Variants in TNFAIP8L1 observed in about 807,000 individuals in gnomAD.
TNFAIP8L1 encodes tumor necrosis factor alpha-induced protein 8-like protein 1.
For missense variants in TNFAIP8L1, 225 were observed against 266.1 expected (o/e 0.85, Z 1.08); for synonymous variants, 127 against 125.6 (o/e 1.01, Z -0.08).
At chr19:4,650,491 C>T (rs985824525) in intron 1 of TNFAIP8L1, among the ~76,000 whole-genome samples, 2 of 151,836 alleles carry the variant, frequency 1.3e-5, no homozygotes, top group Non-Finnish European at 2.9e-5. Flanking sequence ...GGAAGAATTC[C>T]GGAGCTGCAG....
Position 4,654,067 on chromosome 19 carries a change from G to C in TNFAIP8L1, c.*1637G>C, listed in dbSNP as rs1401495970. 3.3e-5 allele frequency: 5 copies of C among 152,186 alleles called. No homozygotes were observed. The highest frequency in any genetic ancestry group is 7.3e-5 in the Non-Finnish European group (5 of 68,092). The allele number at this position is 152,186 out of a possible 1,614,324, so 9.4% of individuals were successfully genotyped here. ...TCAGCCTTGGAGGGACCTAGCCCTG[G>C]CCACACCTTCATCTCAGACTTGCGG... On this transcript the variant is annotated 3_prime_UTR_variant, in exon 2 of 2. Coordinates refer to ENST00000327473, the MANE Select transcript of TNFAIP8L1 (RefSeq NM_152362.3).
rs1220857848 is a variant in TNFAIP8L1 at position 4,645,002 on chromosome 19, C to G, written c.-4+5373C>G. Among the ~76,000 whole-genome samples, 2 of 152,184 alleles carry G rather than the reference C, an allele frequency of 1.3e-5. No homozygotes were observed. The highest frequency in any genetic ancestry group is 1.9e-4 in the East Asian group (1 of 5,190). On this transcript the variant is annotated intron_variant, in intron 1 of 1. Transcript: ENST00000327473. This position sits in a 1 kb window ranked among gnomAD's most constrained non-coding sequence, Gnocchi z 4.1. ...CTCGGCGGGAAGAGGCCTGAGGCCCCCCCTGGGCCCCCGGACTGAGTGCAG... is the reference window on the plus strand; with the variant it reads ...CTCGGCGGGAAGAGGCCTGAGGCCCGCCCTGGGCCCCCGGACTGAGTGCAG...
intron 1 of TNFAIP8L1, among the ~76,000 whole-genome samples, chr19:4,648,565 G>C (rs929699143): frequency 3.9e-5 from 6 of 152,240 alleles, no homozygotes; most frequent in Non-Finnish European, 8.8e-5. Context: ...GGCCACAGCT[G>C]CTTGCCCCCC....
At chr19:4,642,854 G>T (rs1030371452) in intron 1 of TNFAIP8L1, among the ~76,000 whole-genome samples, 2 of 152,122 alleles carry the variant, frequency 1.3e-5, no homozygotes, top group African/African-American at 4.8e-5. Flanking sequence ...GTGGTGGGCA[G>T]GGGAAGGATG....
intron 1 of TNFAIP8L1, among the ~76,000 whole-genome samples, chr19:4,648,544 C>T (rs537027632): frequency 9.2e-5 from 14 of 152,316 alleles, no homozygotes; most frequent in Non-Finnish European, 2.9e-5. Context: ...AGTGTGGGGG[C>T]CAGGAAGGGA....
chr19:4,649,032 C>G (rs1599827648), intron 1 of TNFAIP8L1, among the ~76,000 whole-genome samples: 1 of 149,184 alleles, frequency 6.7e-6, no homozygotes, highest in South Asian at 2.1e-4. Context: ...TGGGTTCGAG[C>G]GATTCTCCTG....
At chr19:4,649,468 T>C (rs1214252939) in intron 1 of TNFAIP8L1, among the ~76,000 whole-genome samples, 1 of 152,182 alleles carries the variant, frequency 6.6e-6, no homozygotes, top group African/African-American at 2.4e-5. Flanking sequence ...GTTAAGTTGC[T>C]TGCTGCAGAG....
intron 1 of TNFAIP8L1, among the ~76,000 whole-genome samples, chr19:4,643,137 G>C (rs2088278474): frequency 6.6e-6 from 1 of 151,962 alleles, no homozygotes; most frequent in African/African-American, 2.4e-5. Flanking sequence ...AAATTACCCA[G>C]GCATGGTGGC....
Position 4,652,218 on chromosome 19 carries a change from G to A in TNFAIP8L1, c.349G>A (p.Ala117Thr). 6.5e-7 allele frequency: 1 copy of A among 1,544,944 alleles called. No individual in the cohort carries two copies. The highest frequency in any genetic ancestry group is 1.9e-5 in the Admixed American group (1 of 51,968). The change falls in exon 2 of 2, where the codon GCC becomes ACC. Residue 117 changes from alanine (A) to threonine (T), a missense_variant. Transcript: ENST00000327473. ...CTTCACCTTCGACCGGCGCGTGCTG[G>A]CCGCCGGGCTGCTCGAGTGCCGCGA... is the stretch of plus-strand genomic sequence containing the variant. The part of the protein sequence containing the change: ...VDFTFDRRVL[A>T]AGLLECRDLL...
rs948490156 is a variant in TNFAIP8L1, at chr19:4,645,588, C to T, written c.-4+5959C>T. 6.6e-6 allele frequency among the ~76,000 whole-genome samples: 1 copy of T among 151,056 alleles called. No individual in the cohort carries two copies. Among genetic ancestry groups the T allele is most frequent in the African/African-American group, 2.4e-5 (1 of 41,074 alleles). On this transcript the variant is annotated intron_variant, in intron 1 of 1. Coordinates refer to ENST00000327473, the MANE Select transcript of TNFAIP8L1 (RefSeq NM_152362.3). The surrounding 1 kb of genome is among the most constrained non-coding windows in gnomAD (Gnocchi z 4.1). ...CAGAGCAAGACTCCATCTCAAAATACATACAAACATACATACATACATAAA... is the reference window on the plus strand; with the variant it reads ...CAGAGCAAGACTCCATCTCAAAATATATACAAACATACATACATACATAAA...
Position 4,641,797 on chromosome 19 carries a change from G to A in TNFAIP8L1, c.-4+2168G>A, listed in dbSNP as rs534582414. On this transcript the variant is annotated intron_variant, in intron 1 of 1. Coordinates refer to ENST00000327473, the MANE Select transcript of TNFAIP8L1 (RefSeq NM_152362.3). This position sits in a 1 kb window ranked among gnomAD's most constrained non-coding sequence, Gnocchi z 4.6. ...CTCTGGGGTGGGCTCTGGGAGAGACGAGACTTGAACCCCAAATGTGCCATT... is the reference window on the plus strand; with the variant it reads ...CTCTGGGGTGGGCTCTGGGAGAGACAAGACTTGAACCCCAAATGTGCCATT... The A allele has an allele frequency of 2.0e-5, 3 of 152,308 alleles. No individual in the cohort carries two copies. The highest frequency in any genetic ancestry group is 7.2e-5 in the African/African-American group (3 of 41,554). The allele number at this position is 152,308 out of a possible 1,614,324, so 9.4% of individuals were successfully genotyped here. A position where few individuals can be genotyped will look rare whatever the true frequency, so the allele number is the denominator to read the frequency against.
At chr19:4,639,658 A>C (rs2088242191) in intron 1 of TNFAIP8L1, 29 bp downstream of exon 1, 1 of 151,332 alleles carries the variant, frequency 6.6e-6, no homozygotes, top group Non-Finnish European at 1.5e-5. Flanking sequence ...GGCGCCCCCC[A>C]TTTCAGCGCA....
At position 4,652,317 on chromosome 19, in the gene TNFAIP8L1, C is replaced by G. The variant is rs1228739142; in HGVS notation, c.448C>G (p.Leu150Val). The change falls in exon 2 of 2, where the codon CTA becomes GTA. Residue 150 changes from leucine (L) to valine (V), a missense_variant. Leu to Val is a conservative substitution (Grantham distance 32). Coordinates refer to ENST00000327473, the MANE Select transcript of TNFAIP8L1 (RefSeq NM_152362.3). ...CCGCATCAACCACGTGTTCGGCCAC[C>G]TAGCCGACTGCGACTTCCTGGCTGC... ...HGRINHVFGH[L>V]ADCDFLAALY... 1.0e-5 allele frequency: 16 copies of G among 1,558,898 alleles called. No homozygotes were observed. In the East Asian group the frequency reaches 3.9e-4, roughly 38 times the overall value.
intron 1 of TNFAIP8L1, among the ~76,000 whole-genome samples, chr19:4,647,171 G>C (rs926895090): frequency 5.9e-5 from 9 of 152,186 alleles, no homozygotes; most frequent in African/African-American, 2.2e-4. Context: ...GGGTCACGCC[G>C]CTGTAAACTG....
chr19:4,647,518 G>T (rs2088322803), intron 1 of TNFAIP8L1, among the ~76,000 whole-genome samples: 1 of 150,988 alleles, frequency 6.6e-6, no homozygotes, highest in Non-Finnish European at 1.5e-5. Context: ...CACCATGTTG[G>T]CCAGGCTGAT....
intron 1 of TNFAIP8L1, among the ~76,000 whole-genome samples, chr19:4,643,824 A>C (rs913658572): frequency 6.6e-5 from 10 of 152,206 alleles, no homozygotes; most frequent in African/African-American, 2.4e-4. Context: ...AATCCCAGCT[A>C]TTTGGGAGGC....
At chr19:4,643,929 T>C (rs964866971) in intron 1 of TNFAIP8L1, among the ~76,000 whole-genome samples, 3 of 150,956 alleles carry the variant, frequency 2.0e-5, no homozygotes, top group African/African-American at 7.3e-5. Flanking sequence ...AATAAATAAA[T>C]AATAAAATTG....
In TNFAIP8L1 at chr19:4,651,915, A is replaced by C. The variant is rs762354381; in HGVS notation, c.46A>C (p.Lys16Gln). Residue 16 changes from lysine to glutamine, a missense_variant, in exon 2 of 2, where the codon AAG (lysine) becomes CAG (glutamine). Coordinates refer to ENST00000327473, the MANE Select transcript of TNFAIP8L1 (RefSeq NM_152362.3). ...TKSLALQAQK[K>Q]LLSKMASKAV... The stretch of plus-strand genomic sequence containing the variant: ...GAGCCTGGCTCTGCAGGCGCAGAAG[A>C]AGCTCCTGAGTAAGATGGCGTCCAA... 180 of 1,612,444 alleles carry C rather than the reference A, an allele frequency of 1.1e-4. No homozygotes were observed. Among genetic ancestry groups the C allele is most frequent in the Middle Eastern group, 4.9e-4 (3 of 6,064 alleles).
Position 4,652,223 on chromosome 19 carries a change from C to T in TNFAIP8L1, c.354C>T (p.Ala118=), listed in dbSNP as rs370232340. Residue 118 remains alanine (A), a synonymous_variant, in exon 2 of 2, where the codon GCC becomes GCT. Coordinates refer to ENST00000327473, the MANE Select transcript of TNFAIP8L1 (RefSeq NM_152362.3). ...DFTFDRRVLA[A]GLLECRDLLH... ...CCTTCGACCGGCGCGTGCTGGCCGC[C>T]GGGCTGCTCGAGTGCCGCGACCTGC... is the stretch of plus-strand genomic sequence containing the variant. The T allele has an allele frequency of 5.8e-6, 9 of 1,546,418 alleles. No individual in the cohort carries two copies. The highest frequency in any genetic ancestry group is 7.8e-6 in the Non-Finnish European group (9 of 1,148,900).
Sources: gnomAD v4.1 joint callset for allele counts (sites outside exome capture counted in the v4.1 genomes callset) on GRCh38, gnomAD v4.1.1 for gene constraint, Gnocchi (gnomAD v3.1) non-coding constraint, MANE v1.5 for transcripts, NCBI Gene and HGNC (gene_info 2026-07-23, HGNC 2026-07-21) for gene names.